The following RRN3 variants were observed in gnomAD, a reference collection of about 807,000 sequenced individuals.
RRN3 encodes RNA polymerase I transcription factor RRN3, also known as RNA polymerase I-specific transcription initiation factor RRN3.
A neutral mutation model predicts 82.3 loss-of-function variants in RRN3; 38 were observed. The observed-to-expected ratio is 0.46, with a 90% CI of 0.36 to 0.61. RRN3 has a LOEUF of 0.61. RRN3 is among the 20% of genes least tolerant of loss of function. The probability of loss-of-function intolerance (pLI) is 0.00; values close to 1 mark genes in which losing one functional copy is unlikely to be tolerated. For synonymous variants in RRN3, 284 were observed against 284.3 expected (o/e 1.00, Z 0.01); for missense variants, 726 against 793.1 (o/e 0.92, Z 1.02).
chr16:15,093,554 G>A (rs531023763), intron 1 of RRN3, among the ~76,000 whole-genome samples: 1 of 152,254 alleles, frequency 6.6e-6, no homozygotes, highest in South Asian at 2.1e-4. Context: ...GCAGGAGCTC[G>A]ATAATTATTA....
Position 15,061,550 on chromosome 16 carries a change from G to A in RRN3, c.*194C>T, listed in dbSNP as rs11551276. The A allele has an allele frequency of 0.11, 50,439 of 479,256 alleles. 3,042 individuals carry two copies. The highest frequency in any genetic ancestry group is 0.19 in the East Asian group (6,178 of 32,528). 29.7% of individuals were successfully genotyped at this position (479,256 alleles called of 1,614,324 possible). A position where few individuals can be genotyped will look rare whatever the true frequency, so the allele number is the denominator to read the frequency against. On this transcript the variant is annotated 3_prime_UTR_variant, in exon 18 of 18. Coordinates refer to ENST00000198767, the MANE Select transcript of RRN3 (RefSeq NM_018427.5). Reference sequence around the variant, plus strand: ...GCACATGATAGTCTTCATTTTGTCTGTAAGGGGAACAACAACAACAAAAAA... The same window carrying A: ...GCACATGATAGTCTTCATTTTGTCTATAAGGGGAACAACAACAACAAAAAA...
intron 3 of RRN3, among the ~76,000 whole-genome samples, chr16:15,090,557 C>T (rs1209016548): frequency 6.6e-6 from 1 of 152,174 alleles, no homozygotes; most frequent in African/African-American, 2.4e-5. Flanking sequence ...TATGATCACA[C>T]CTGTGAATAG....
chr16:15,084,558 T>C (rs1293558245), intron 7 of RRN3, 84 bp downstream of exon 7: 1 of 961,032 alleles, frequency 1.0e-6, no homozygotes, highest in Non-Finnish European at 1.6e-6. Flanking sequence ...CAAGCTTTAA[T>C]ACTATTAACA....
intron 1 of RRN3, 54 bp downstream of exon 1, chr16:15,094,091 C>G: frequency 6.7e-7 from 1 of 1,482,036 alleles, no homozygotes; most frequent in Non-Finnish European, 9.3e-7. Flanking sequence ...CTCCTCTAAG[C>G]GCCGTCCTGA....
intron 17 of RRN3, among the ~76,000 whole-genome samples, chr16:15,062,109 T>C (rs573586590): frequency 4.6e-5 from 7 of 152,102 alleles, no homozygotes; most frequent in South Asian, 4.2e-4. Context: ...AGCTCAAGAG[T>C]TCCGAATCCA....
intron 12 of RRN3, among the ~76,000 whole-genome samples, chr16:15,072,284 A>G (rs545482360): frequency 1.2e-4 from 19 of 152,092 alleles, no homozygotes; most frequent in African/African-American, 4.3e-4. Context: ...GAAAAGACAA[A>G]GCCTAAAGTT....
At chr16:15,076,040 C>T (rs1188400070) in intron 10 of RRN3, among the ~76,000 whole-genome samples, 1 of 152,104 alleles carries the variant, frequency 6.6e-6, no homozygotes, top group Non-Finnish European at 1.5e-5. Flanking sequence ...ATCCATGCCC[C>T]AGAATGCCTG....
Position 15,086,246 on chromosome 16 carries a change from A to G in RRN3, c.355T>C (p.Leu119=), listed in dbSNP as rs1405922580. The part of the protein sequence containing the change: ...LISIILRLPW[L]NRSQTVVEEY... ...TCCACTACTGTTTGACTTCTATTCA[A>G]CCAAGGCAATCTCTAGAGTGGGGGA... The change falls in exon 5 of 18, where the codon TTG becomes CTG. Residue 119 remains leucine, a synonymous_variant. Coordinates refer to ENST00000198767, the MANE Select transcript of RRN3 (RefSeq NM_018427.5). 5 of 1,581,906 alleles carry G rather than the reference A, an allele frequency of 3.2e-6. No homozygotes were observed. The African/African-American group carries it at 6.8e-5, about 22-fold the overall frequency.
chr16:15,084,007 C>T (rs1270765035), intron 7 of RRN3, among the ~76,000 whole-genome samples: 1 of 152,164 alleles, frequency 6.6e-6, no homozygotes, highest in Non-Finnish European at 1.5e-5. Flanking sequence ...TGAGCCACCG[C>T]GCCCGGCCAG....
chr16:15,068,672 A>G (rs1184928283), intron 14 of RRN3, among the ~76,000 whole-genome samples: 1 of 152,216 alleles, frequency 6.6e-6, no homozygotes, highest in Non-Finnish European at 1.5e-5. Flanking sequence ...TCTAGCTTGC[A>G]TGTCTTGTTA....
At chr16:15,087,712 T>G (rs564749466) in intron 3 of RRN3, among the ~76,000 whole-genome samples, 1 of 152,244 alleles carries the variant, frequency 6.6e-6, no homozygotes, top group Non-Finnish European at 1.5e-5. Flanking sequence ...CAAAGGCATG[T>G]AGAAAACAAG....
At chr16:15,078,166 T>C (rs1006726583) in intron 9 of RRN3, among the ~76,000 whole-genome samples, 7 of 152,210 alleles carry the variant, frequency 4.6e-5, no homozygotes, top group African/African-American at 1.2e-4. Context: ...AAAGAGTACA[T>C]ATACAGTTGG....
rs762873574 is a variant in RRN3 at position 15,092,522 on chromosome 16, A to T, written c.182T>A (p.Leu61Gln). The T allele has an allele frequency of 4.3e-6, 7 of 1,611,296 alleles. No individual in the cohort carries two copies. The highest frequency in any genetic ancestry group is 5.1e-6 in the Non-Finnish European group (6 of 1,177,592). ...ATCTCCCCTTACCTTTTTGTACTTC[A>T]GCAAGACTTCTGTCACAGTTCCACC... ...RFGGTVTEVL[L>Q]KYKKGETNDF... Residue 61 changes from leucine (L) to glutamine (Q), a missense_variant, in exon 2 of 18, where the codon CTG (leucine) becomes CAG (glutamine). Around this residue, in one of 4 missense-constraint regions of RRN3, gnomAD observed 135 missense variants for 87.4 expected, o/e 1.55. Coordinates refer to ENST00000198767, the MANE Select transcript of RRN3 (RefSeq NM_018427.5).
intron 8 of RRN3, among the ~76,000 whole-genome samples, chr16:15,082,288 T>A (rs1220476225): frequency 2.6e-5 from 4 of 152,236 alleles, no homozygotes; most frequent in African/African-American, 9.6e-5. Context: ...TTGGTGTTTG[T>A]CACACACTTC....
chr16:15,082,391 G>C (rs1048818776), intron 8 of RRN3, among the ~76,000 whole-genome samples: 6 of 151,726 alleles, frequency 4.0e-5, no homozygotes, highest in African/African-American at 1.5e-4. Flanking sequence ...ACTCAATCTC[G>C]GCCGGTCACG....
At chr16:15,066,453 T>C (rs1036346949) in intron 15 of RRN3, among the ~76,000 whole-genome samples, 1 of 151,958 alleles carries the variant, frequency 6.6e-6, no homozygotes, top group Non-Finnish European at 1.5e-5. Flanking sequence ...GTCAACATGA[T>C]GAAACCCCAT....
In RRN3 at chr16:15,094,195, A is replaced by G. The variant is rs1276447044; in HGVS notation, c.39T>C (p.Asp13=). 1.9e-5 allele frequency: 31 copies of G among 1,600,436 alleles called. No individual in the cohort carries two copies. Among genetic ancestry groups the G allele is most frequent in the Non-Finnish European group, 2.4e-5 (28 of 1,174,158 alleles). Residue 13 remains aspartate, a synonymous_variant, in exon 1 of 18, where the codon GAT becomes GAC. Transcript: ENST00000198767. Reference sequence around the variant, plus strand: ...TAACTGCAGAGGACGAAGCGGCCGCATCTCCCGGCAAACGCGTGTGAAGCA... The same window carrying G: ...TAACTGCAGAGGACGAAGCGGCCGCGTCTCCCGGCAAACGCGTGTGAAGCA... ...APLLHTRLPG[D]AAASSSAVKK... is the part of the protein sequence containing the mutation.
intron 9 of RRN3, among the ~76,000 whole-genome samples, chr16:15,077,237 C>G (rs1371084212): frequency 6.6e-6 from 1 of 152,018 alleles, no homozygotes; most frequent in Non-Finnish European, 1.5e-5. Context: ...CCTCAGCTTC[C>G]CAAAGTGCTG....
At chr16:15,069,294 C>G (rs977454423) in intron 14 of RRN3, among the ~76,000 whole-genome samples, 16 of 152,210 alleles carry the variant, frequency 1.1e-4, no homozygotes, top group African/African-American at 3.6e-4. Flanking sequence ...CAGAGGACAG[C>G]CCCCGACGAT....
Sources: allele counts gnomAD v4.1 joint callset (sites outside exome capture counted in the v4.1 genomes callset), GRCh38; gene constraint gnomAD v4.1.1; regional missense constraint gnomAD v4.1.1; transcripts MANE v1.5; gene names NCBI Gene and HGNC (gene_info 2026-07-23, HGNC 2026-07-21).